Variants in UGT1A6 observed in about 807,000 individuals in gnomAD.
The protein encoded by UGT1A6 is UDP-glucuronosyltransferase 1A6.
In UGT1A6, 32 loss-of-function variants were observed where a neutral mutation model predicts 44.4. The observed-to-expected ratio is 0.72, with a 90% CI of 0.54 to 0.97. The LOEUF is 0.97. UGT1A6 is among the 50% of genes least tolerant of loss of function. The probability of loss-of-function intolerance (pLI) is 0.00; values close to 1 mark genes in which losing one functional copy is unlikely to be tolerated. For missense variants in UGT1A6, 685 were observed against 661.9 expected (o/e 1.03, Z -0.38); for synonymous variants, 238 against 248.5 (o/e 0.96, Z 0.40).
At position 233,747,493 on chromosome 2, in the gene UGT1A6, T is replaced by G; in HGVS notation, c.862-19541T>G. 3.1e-6 allele frequency: 5 copies of G among 1,608,784 alleles called. No individual in the cohort carries two copies. In the South Asian group the frequency reaches 3.3e-5, roughly 11 times the overall value. The stretch of plus-strand genomic sequence containing the variant: ...CAGGATGAATTTGATCGCCTTGTGC[T>G]GGGCCACACTCAACTGTACTTTGAA... On this transcript the variant is annotated intron_variant, in intron 1 of 4. Coordinates refer to ENST00000305139, the MANE Select transcript of UGT1A6 (RefSeq NM_001072.4).
At position 233,747,809 on chromosome 2, in the gene UGT1A6, G is replaced by T. The variant is rs955692001; in HGVS notation, c.862-19225G>T. 2.4e-5 allele frequency: 38 copies of T among 1,613,216 alleles called. No homozygotes were observed. In the Admixed American group the frequency reaches 6.2e-4, roughly 26 times the overall value. ...CCTCCTATATTCCTAAGTTACTAAC[G>T]ACCAATTCAGACCACATGACATTCC... On this transcript the variant is annotated intron_variant, in intron 1 of 4. Coordinates refer to ENST00000305139, the MANE Select transcript of UGT1A6 (RefSeq NM_001072.4).
chr2:233,733,661 T>A (rs1200789776), intron 1 of UGT1A6, among the ~76,000 whole-genome samples: 1 of 152,240 alleles, frequency 6.6e-6, no homozygotes, highest in Non-Finnish European at 1.5e-5. Context: ...GAAGCCGACT[T>A]GATCGATGTG....
chr2:233,710,692 G>A (rs976331221), intron 1 of UGT1A6, among the ~76,000 whole-genome samples: 1 of 152,100 alleles, frequency 6.6e-6, no homozygotes, highest in Non-Finnish European at 1.5e-5. Flanking sequence ...TTTACTTCTG[G>A]TGTGTGGTGT....
rs759406667 is a variant in UGT1A6 at position 233,713,458 on chromosome 2, T to G, written c.861+19593T>G. ...GTGGTTCTAACAGACCCCTTTCACC[T>G]CTGCGCGGCGGTGCTGGCTAAGTAC... On this transcript the variant is annotated intron_variant, in intron 1 of 4. Coordinates refer to ENST00000305139, the MANE Select transcript of UGT1A6 (RefSeq NM_001072.4). 4 of 1,614,140 alleles carry G rather than the reference T, an allele frequency of 2.5e-6. No homozygotes were observed. The Admixed American group carries it at 6.7e-5, about 27-fold the overall frequency.
At chr2:233,711,907 T>C (rs1300995032) in intron 1 of UGT1A6, among the ~76,000 whole-genome samples, 1 of 152,214 alleles carries the variant, frequency 6.6e-6, no homozygotes, top group Non-Finnish European at 1.5e-5. Context: ...GTGAGACCAT[T>C]GTGAGTGCTC....
At chr2:233,741,540 A>G (rs1267633349) in intron 1 of UGT1A6, 14 of 152,000 alleles carry the variant, frequency 9.2e-5, no homozygotes. Context: ...TTATTCTGAT[A>G]CTTCTTTTAT....
intron 1 of UGT1A6, among the ~76,000 whole-genome samples, chr2:233,707,382 A>G (rs1046947918): frequency 1.3e-5 from 2 of 151,700 alleles, no homozygotes; most frequent in Non-Finnish European, 2.9e-5. Flanking sequence ...CTCAGCATCC[A>G]TGAGCTATTC....
intron 1 of UGT1A6, chr2:233,760,314 C>T (rs2125982476): frequency 1.2e-6 from 2 of 1,613,914 alleles, no homozygotes; most frequent in Non-Finnish European, 1.7e-6. Context: ...AGGGCGGACG[C>T]CCACTTGTCC....
chr2:233,769,511 C>T lies in UGT1A6; in HGVS notation c.1301+1072C>T. On this transcript the variant is annotated intron_variant, in intron 4 of 4. Coordinates refer to ENST00000305139, the MANE Select transcript of UGT1A6 (RefSeq NM_001072.4). This position sits in a 1 kb window ranked among gnomAD's most constrained non-coding sequence, Gnocchi z 4.4. ...TTTATGAGAGTGTCCATTGCTTTCT[C>T]CCATGGTTACCTCCTTTAGAAAGAA... 6.2e-7 allele frequency: 1 copy of T among 1,612,794 alleles called. No individual in the cohort carries two copies. The highest frequency in any genetic ancestry group is 8.5e-7 in the Non-Finnish European group (1 of 1,179,854).
rs61729911 is a variant in UGT1A6 at position 233,743,597 on chromosome 2, T to C, written c.862-23437T>C. 389 of 1,367,326 alleles carry C rather than the reference T, an allele frequency of 2.8e-4. 8 individuals carry two copies. The African/African-American group carries it at 4.3e-3, about 15-fold the overall frequency. 84.7% of individuals were successfully genotyped at this position (1,367,326 alleles called of 1,614,324 possible). A position where few individuals can be genotyped will look rare whatever the true frequency, so the allele number is the denominator to read the frequency against. On this transcript the variant is annotated intron_variant, in intron 1 of 4. Transcript: ENST00000305139. Reference sequence around the variant, plus strand: ...CAAGAGGTCAAAGGAGAATGGGTCCTGGCCGCCGAAGAACTCCCTGAAGAC... The same window carrying C: ...CAAGAGGTCAAAGGAGAATGGGTCCCGGCCGCCGAAGAACTCCCTGAAGAC...
At chr2:233,747,905 T>C in intron 1 of UGT1A6, 4 of 1,613,538 alleles carry the variant, frequency 2.5e-6, no homozygotes, top group Non-Finnish European at 3.4e-6. Flanking sequence ...CTGCTCCTTA[T>C]GCAAGCCTTG....
chr2:233,699,798 C>T (rs1205226155), intron 1 of UGT1A6, among the ~76,000 whole-genome samples: 1 of 152,194 alleles, frequency 6.6e-6, no homozygotes, highest in Non-Finnish European at 1.5e-5. Flanking sequence ...CTCTCATATT[C>T]TGGAGTCATC....
chr2:233,740,554 T>C (rs983150710), intron 1 of UGT1A6: 2 of 151,778 alleles, frequency 1.3e-5, no homozygotes, highest in African/African-American at 4.9e-5. Context: ...CCAGAAAAAA[T>C]GTCCGGCATT....
At position 233,747,357 on chromosome 2, in the gene UGT1A6, C is replaced by T. The variant is rs115834808; in HGVS notation, c.862-19677C>T. On this transcript the variant is annotated intron_variant, in intron 1 of 4. Coordinates refer to ENST00000305139, the MANE Select transcript of UGT1A6 (RefSeq NM_001072.4). ...ACTGGCTCGCATGCGGGAGGCCGTG[C>T]GGGAGCTCCATGCCAGAGGCCACCA... 7.9e-3 allele frequency: 12,675 copies of T among 1,602,394 alleles called. 83 individuals are homozygous for T. The highest frequency in any genetic ancestry group is 9.8e-3 in the Non-Finnish European group (11,526 of 1,171,410).
chr2:233,703,265 T>C (rs2075729501), intron 1 of UGT1A6, among the ~76,000 whole-genome samples: 1 of 152,208 alleles, frequency 6.6e-6, no homozygotes, highest in South Asian at 2.1e-4. Flanking sequence ...TATAATACTT[T>C]CTGTTTCTGT....
intron 1 of UGT1A6, among the ~76,000 whole-genome samples, chr2:233,765,612 G>T (rs1698887269): frequency 2.0e-5 from 3 of 151,940 alleles, no homozygotes; most frequent in Admixed American, 6.6e-5. Flanking sequence ...GTGGCGGGGT[G>T]AGGGGTGAGG....
chr2:233,766,611 C>T (rs972496643), intron 1 of UGT1A6, among the ~76,000 whole-genome samples: 4 of 152,176 alleles, frequency 2.6e-5, no homozygotes, highest in African/African-American at 4.8e-5. Flanking sequence ...ACACCCTCTT[C>T]TACCCAGCAC....
Position 233,760,797 on chromosome 2 carries a change from C to A in UGT1A6, c.862-6237C>A, listed in dbSNP as rs780028785. 1.9e-6 allele frequency: 3 copies of A among 1,613,492 alleles called. No individual in the cohort carries two copies. The highest frequency in any genetic ancestry group is 1.1e-5 in the South Asian group (1 of 91,076). The stretch of plus-strand genomic sequence containing the variant: ...AGTACCTGTCTCTGCCCACTGTATT[C>A]TTCTTGCATGCACTGCCATGCAGCC... On this transcript the variant is annotated intron_variant, in intron 1 of 4. Coordinates refer to ENST00000305139, the MANE Select transcript of UGT1A6 (RefSeq NM_001072.4).
chr2:233,758,018 G>A (rs1394383071), intron 1 of UGT1A6, among the ~76,000 whole-genome samples: 1 of 152,092 alleles, frequency 6.6e-6, no homozygotes, highest in African/African-American at 2.4e-5. Context: ...GTTTGTCTCT[G>A]TCTACCTGAC....
Sources: gnomAD v4.1 joint callset for allele counts (sites outside exome capture counted in the v4.1 genomes callset) on GRCh38, gnomAD v4.1.1 for gene constraint, Gnocchi (gnomAD v3.1) non-coding constraint, MANE v1.5 for transcripts, NCBI Gene and HGNC (gene_info 2026-07-23, HGNC 2026-07-21) for gene names.